ARHGAP15: variants seen among roughly 807,000 people sequenced by gnomAD.
The protein encoded by ARHGAP15 is rho GTPase-activating protein 15.
Under a neutral mutation model 63.7 loss-of-function variants are expected in ARHGAP15, and 51 were observed. That is an observed-to-expected ratio of 0.80 (90% CI 0.64 to 1.01). The LOEUF (loss-of-function observed/expected upper bound fraction) is 1.01, where lower values mean the gene tolerates loss of function less well. Ranked by LOEUF, ARHGAP15 falls within the 50% of genes least tolerant of loss-of-function variation. The pLI, the probability that ARHGAP15 is intolerant of heterozygous loss-of-function variation, is 0.00. For synonymous variants in ARHGAP15, 191 were observed against 193.8 expected (o/e 0.99, Z 0.12); for missense variants, 560 against 564.6 (o/e 0.99, Z 0.08).
intron 12 of ARHGAP15, among the ~76,000 whole-genome samples, chr2:143,630,924 ATC>A (rs1274456315): frequency 1.3e-5 from 2 of 152,118 alleles, no homozygotes; most frequent in Admixed American, 1.3e-4. Flanking sequence ...GAAAAAGAAC[ATC>A]TCTGTTATTC....
chr2:143,379,274 TG>T (rs1558931814), intron 6 of ARHGAP15, among the ~76,000 whole-genome samples: 3 of 152,024 alleles, frequency 2.0e-5, no homozygotes, highest in Non-Finnish European at 4.4e-5. Context: ...TGCCTGTTGT[TG>T]CTGATCAGTG....
intron 8 of ARHGAP15, among the ~76,000 whole-genome samples, chr2:143,463,168 G>C (rs1691035231): frequency 6.6e-6 from 1 of 152,126 alleles, no homozygotes; most frequent in African/African-American, 2.4e-5. Flanking sequence ...GTGTGGCCCA[G>C]GGAGCCAAAT....
At position 143,768,196 on chromosome 2, in the gene ARHGAP15, C is replaced by T. The variant is rs377328792; in HGVS notation, c.*24C>T. ...GACAGACAAGACAAGCTACTGAATA[C>T]GTTCACATCTGTCTTGATGCCTAAT... On this transcript the variant is annotated 3_prime_UTR_variant, in exon 14 of 14. Transcript: ENST00000295095. 2.2e-5 allele frequency: 35 copies of T among 1,593,028 alleles called. No homozygotes were observed. The highest frequency in any genetic ancestry group is 2.8e-5 in the Non-Finnish European group (33 of 1,167,372).
At chr2:143,357,019 T>C (rs6430025) in intron 6 of ARHGAP15, among the ~76,000 whole-genome samples, 129,411 of 152,196 alleles carry the variant, frequency 0.85, 55,261 homozygotes, top group East Asian at 0.99. Context: ...CAGCTCTGCT[T>C]TCTCAACCGG....
In ARHGAP15 at chr2:143,423,317, C is replaced by T. The variant is rs746639727; in HGVS notation, c.475-12284C>T. Among the ~76,000 whole-genome samples the T allele has an allele frequency of 2.2e-4, 33 of 151,222 alleles. 1 individual carries two copies. In the Middle Eastern group the frequency reaches 0.021, roughly 94 times the overall value. On this transcript the variant is annotated intron_variant, in intron 6 of 13. Transcript: ENST00000295095. ...CTCAGTGACTAATCATTGCTTTCCT[C>T]TTTACTAGTATACCAAATAAAATCT... is the stretch of plus-strand genomic sequence containing the variant.
Position 143,462,709 on chromosome 2 carries a change from C to T in ARHGAP15, c.704-24664C>T, listed in dbSNP as rs1231519180. ...TACAAAAGACAAAAGTTAGACCAAA[C>T]AGTCATTGTAGAATCACTCTGGGTT... is the stretch of plus-strand genomic sequence containing the variant. On this transcript the variant is annotated intron_variant, in intron 8 of 13. Transcript: ENST00000295095. 2.6e-5 allele frequency among the ~76,000 whole-genome samples: 4 copies of T among 152,296 alleles called. No homozygotes were observed. In the East Asian group the frequency reaches 7.7e-4, roughly 29 times the overall value.
At chr2:143,625,435 T>C (rs1339883449) in intron 12 of ARHGAP15, among the ~76,000 whole-genome samples, 6 of 152,024 alleles carry the variant, frequency 3.9e-5, no homozygotes, top group Admixed American at 1.3e-4. Flanking sequence ...TCTTGTTGCT[T>C]GCTCACAATT....
rs145897233 is a variant in ARHGAP15 at position 143,252,772 on chromosome 2, A to G, written c.474+2172A>G. On this transcript the variant is annotated intron_variant, in intron 6 of 13. Transcript: ENST00000295095. Reference sequence around the variant, plus strand: ...GAGAGTAAGCCTTTTGAGAGGAACAATATAAATAGCTTCTATAGTTCTGTT... The same window carrying G: ...GAGAGTAAGCCTTTTGAGAGGAACAGTATAAATAGCTTCTATAGTTCTGTT... Among the ~76,000 whole-genome samples the G allele has an allele frequency of 8.4e-4, 128 of 152,202 alleles. 1 individual carries two copies. Among genetic ancestry groups the G allele is most frequent in the African/African-American group, 3.0e-3 (125 of 41,560 alleles).
intron 2 of ARHGAP15, among the ~76,000 whole-genome samples, chr2:143,191,611 T>A (rs1487647086): frequency 1.3e-5 from 2 of 152,234 alleles, no homozygotes; most frequent in Non-Finnish European, 2.9e-5. Flanking sequence ...TGATTCTTAC[T>A]GTTATAATCT....
intron 11 of ARHGAP15, chr2:143,571,988 C>T (rs7606634): frequency 0.28 from 43,362 of 152,154 alleles, 6,958 homozygotes; most frequent in African/African-American, 0.44. Context: ...TAAATCTCAA[C>T]AGGAATTAGC....
intron 10 of ARHGAP15, among the ~76,000 whole-genome samples, chr2:143,554,300 C>G (rs1351105944): frequency 2.0e-5 from 3 of 152,022 alleles, no homozygotes; most frequent in Non-Finnish European, 4.4e-5. Context: ...TTTGATCAAA[C>G]TTTGTTTGTT....
At chr2:143,754,513 C>CA (rs1024674281) in intron 13 of ARHGAP15, among the ~76,000 whole-genome samples, 2 of 152,160 alleles carry the variant, frequency 1.3e-5, no homozygotes, top group Admixed American at 6.5e-5. Context: ...CCTAGATATA[C>CA]AAAGCAGCAA....
intron 12 of ARHGAP15, among the ~76,000 whole-genome samples, chr2:143,674,152 A>G (rs763684139): frequency 1.6e-4 from 25 of 152,094 alleles, no homozygotes; most frequent in Admixed American, 3.3e-4. Context: ...CTAATTGTAT[A>G]CTCAAGAGCA....
At chr2:143,668,075 G>T (rs542623453) in intron 12 of ARHGAP15, among the ~76,000 whole-genome samples, 1 of 152,056 alleles carries the variant, frequency 6.6e-6, no homozygotes, top group East Asian at 1.9e-4. Context: ...AGGAGAAAGG[G>T]TTGAAGCATG....
intron 11 of ARHGAP15, among the ~76,000 whole-genome samples, chr2:143,583,593 C>G (rs990962027): frequency 6.6e-6 from 1 of 152,016 alleles, no homozygotes; most frequent in Non-Finnish European, 1.5e-5. Context: ...TTTGCTTAAG[C>G]CAATGCTTCT....
At chr2:143,264,469 A>G (rs2105028074) in intron 6 of ARHGAP15, among the ~76,000 whole-genome samples, 1 of 152,264 alleles carries the variant, frequency 6.6e-6, no homozygotes, top group East Asian at 1.9e-4. Context: ...CATATTCCCA[A>G]GAGTCAAGGA....
At chr2:143,388,234 G>A (rs1426047984) in intron 6 of ARHGAP15, among the ~76,000 whole-genome samples, 2 of 152,172 alleles carry the variant, frequency 1.3e-5, no homozygotes, top group African/African-American at 4.8e-5. Flanking sequence ...AAATAACAGT[G>A]TTCAAAGAAG....
intron 1 of ARHGAP15, among the ~76,000 whole-genome samples, chr2:143,151,663 G>T (rs1689826593): frequency 6.6e-6 from 1 of 151,872 alleles, no homozygotes; most frequent in Non-Finnish European, 1.5e-5. Context: ...TGCTGCAGTG[G>T]GTGCTCTGGC....
Position 143,562,001 on chromosome 2 carries a change from C to A in ARHGAP15, c.1003+5516C>A, listed in dbSNP as rs563683297. Among the ~76,000 whole-genome samples, 22 of 152,192 alleles carry A rather than the reference C, an allele frequency of 1.4e-4. 1 individual carries two copies. In the South Asian group the frequency reaches 1.5e-3, roughly 10 times the overall value. On this transcript the variant is annotated intron_variant, in intron 11 of 13. Transcript: ENST00000295095. ...AGGATTTTTTTCATTAATTTATGGT[C>A]TCGTAGATATCTTTATCTACCCAGA...
Sources: allele counts gnomAD v4.1 joint callset (sites outside exome capture counted in the v4.1 genomes callset), GRCh38; gene constraint gnomAD v4.1.1; transcripts MANE v1.5; gene names NCBI Gene and HGNC (gene_info 2026-07-23, HGNC 2026-07-21).